Variants in EFCAB11 observed in about 807,000 individuals in gnomAD.
The protein encoded by EFCAB11 is EF-hand calcium binding domain 11, also known as EF-hand calcium-binding domain-containing protein 11.
EFCAB11 carries 14 observed loss-of-function variants against 23.0 expected under a neutral mutation model. That is an observed-to-expected ratio of 0.61 (90% CI 0.40 to 0.95). EFCAB11 has a LOEUF of 0.95. Ranked by LOEUF, EFCAB11 falls within the 40% of genes least tolerant of loss-of-function variation. The pLI is 0.00. For synonymous variants in EFCAB11, 65 were observed against 66.6 expected (o/e 0.98, Z 0.11); for missense variants, 198 against 195.8 (o/e 1.01, Z -0.07).
chr14:89,883,101 C>G (rs184171919), intron 5 of EFCAB11, among the ~76,000 whole-genome samples: 1 of 152,146 alleles, frequency 6.6e-6, no homozygotes, highest in Non-Finnish European at 1.5e-5. Context: ...AGATGCAAAA[C>G]GCCCAATCTT....
At chr14:89,862,346 A>G (rs1206057940) in intron 5 of EFCAB11, among the ~76,000 whole-genome samples, 2 of 152,212 alleles carry the variant, frequency 1.3e-5, no homozygotes, top group Admixed American at 1.3e-4. Flanking sequence ...TGGGACAAAA[A>G]TCTTTTAAAC....
At chr14:89,924,331 G>A (rs1293496061) in intron 5 of EFCAB11, 9 of 1,080,410 alleles carry the variant, frequency 8.3e-6, no homozygotes, top group Non-Finnish European at 9.0e-6. Context: ...TTGGTGCCTC[G>A]ATATTGCCAC....
intron 5 of EFCAB11, among the ~76,000 whole-genome samples, chr14:89,896,305 GC>G (rs1417546173): frequency 1.3e-5 from 2 of 152,076 alleles, no homozygotes; most frequent in East Asian, 3.9e-4. Flanking sequence ...CAGGAGAACG[GC>G]GTGAACCCGG....
intron 5 of EFCAB11, among the ~76,000 whole-genome samples, chr14:89,816,344 C>T (rs1008022371): frequency 6.6e-6 from 1 of 151,944 alleles, no homozygotes; most frequent in Non-Finnish European, 1.5e-5. Flanking sequence ...TTGACTTTTT[C>T]CTTTAGGAAC....
At chr14:89,802,418 GTCTTGCTCTGTCACTCAGGC>G (rs1566763632) in intron 5 of EFCAB11, among the ~76,000 whole-genome samples, 1 of 152,046 alleles carries the variant, frequency 6.6e-6, no homozygotes, top group East Asian at 1.9e-4. Flanking sequence ...TAGAGACAGA[GTCTTGCTCTGTCACTCAGGC>G]TGGAGTGCAA....
rs559011975 is a variant in EFCAB11, at chr14:89,865,096, C to T, written c.410+66445G>A. ...ACGGGTGTGAGGCCGGGAGCCGCTG[C>T]AGTCAGTGCTGCATCCTTGGTGGGA... On this transcript the variant is annotated intron_variant, in intron 5 of 5. Coordinates refer to ENST00000316738, the MANE Select transcript of EFCAB11 (RefSeq NM_145231.4). Among the ~76,000 whole-genome samples, 28 of 152,314 alleles carry T rather than the reference C, an allele frequency of 1.8e-4. No homozygotes were observed. The South Asian group carries it at 2.1e-3, about 11-fold the overall frequency.
At chr14:89,900,031 TTCTA>T (rs139249377) in intron 5 of EFCAB11, among the ~76,000 whole-genome samples, 8,188 of 152,210 alleles carry the variant, frequency 0.054, 368 homozygotes, top group African/African-American at 0.12. Flanking sequence ...AAGCTGAAAT[TTCTA>T]TCTATTACTC....
At chr14:89,893,263 TA>T (rs1346381411) in intron 5 of EFCAB11, among the ~76,000 whole-genome samples, 23 of 152,150 alleles carry the variant, frequency 1.5e-4, no homozygotes, top group African/African-American at 5.6e-4. Context: ...GTCCTCAGGC[TA>T]AAATGATTCT....
intron 5 of EFCAB11, among the ~76,000 whole-genome samples, chr14:89,842,106 C>G (rs760435572): frequency 6.6e-6 from 1 of 152,130 alleles, no homozygotes; most frequent in Non-Finnish European, 1.5e-5. Context: ...TCCCTCTAGC[C>G]ACACCCAACC....
At chr14:89,834,538 GCCTCC>G (rs1887008508) in intron 5 of EFCAB11, among the ~76,000 whole-genome samples, 1 of 152,190 alleles carries the variant, frequency 6.6e-6, no homozygotes, top group African/African-American at 2.4e-5. Context: ...AAGGGAAGCC[GCCTCC>G]GGCAGAACTC....
chr14:89,922,091 C>T (rs1890036559), intron 5 of EFCAB11, among the ~76,000 whole-genome samples: 1 of 152,174 alleles, frequency 6.6e-6, no homozygotes, highest in African/African-American at 2.4e-5. Context: ...ACCATGGCAG[C>T]AGTTTCCTAT....
chr14:89,913,377 T>C (rs969530323), intron 5 of EFCAB11, among the ~76,000 whole-genome samples: 1 of 152,232 alleles, frequency 6.6e-6, no homozygotes, highest in South Asian at 2.1e-4. Context: ...GGAAAAATAA[T>C]GTCTTGGCAT....
At chr14:89,851,482 T>G (rs1196327455) in intron 5 of EFCAB11, among the ~76,000 whole-genome samples, 1 of 152,220 alleles carries the variant, frequency 6.6e-6, no homozygotes, top group African/African-American at 2.4e-5. Context: ...TGAATAGTAT[T>G]CCTGCTAAAA....
chr14:89,937,136 T>C (rs1423867037), intron 3 of EFCAB11, among the ~76,000 whole-genome samples: 3 of 152,250 alleles, frequency 2.0e-5, no homozygotes, highest in African/African-American at 7.2e-5. Flanking sequence ...TGTGTTTATC[T>C]GTGTTTATTA....
intron 5 of EFCAB11, among the ~76,000 whole-genome samples, chr14:89,813,379 G>A (rs1886214851): frequency 6.6e-6 from 1 of 152,136 alleles, no homozygotes; most frequent in African/African-American, 2.4e-5. Flanking sequence ...ATTTATAAAG[G>A]AAAATGGCAA....
At chr14:89,841,574 G>T (rs1887271390) in intron 5 of EFCAB11, among the ~76,000 whole-genome samples, 1 of 151,974 alleles carries the variant, frequency 6.6e-6, no homozygotes, top group Non-Finnish European at 1.5e-5. Context: ...AAGTCAAAAA[G>T]ACCCTCTTAA....
chr14:89,941,855 T>C (rs1381161083), intron 3 of EFCAB11, among the ~76,000 whole-genome samples: 2 of 151,964 alleles, frequency 1.3e-5, no homozygotes, highest in Non-Finnish European at 2.9e-5. Context: ...TCATCTAAAA[T>C]GATAAATAAA....
chr14:89,863,148 A>G (rs1887981587), intron 5 of EFCAB11, among the ~76,000 whole-genome samples: 1 of 152,214 alleles, frequency 6.6e-6, no homozygotes, highest in Admixed American at 6.5e-5. Context: ...AATAACTAAA[A>G]GGGAAGAAAT....
intron 5 of EFCAB11, among the ~76,000 whole-genome samples, chr14:89,930,828 C>T (rs1008375061): frequency 2.6e-5 from 4 of 152,094 alleles, no homozygotes; most frequent in South Asian, 2.1e-4. Context: ...GTGTGCTGAA[C>T]GCTAATGAAT....
Sources: gnomAD v4.1 joint callset for allele counts (sites outside exome capture counted in the v4.1 genomes callset) on GRCh38, gnomAD v4.1.1 for gene constraint, MANE v1.5 for transcripts, NCBI Gene and HGNC (gene_info 2026-07-23, HGNC 2026-07-21) for gene names.